ZNF286A: variants seen among roughly 807,000 people sequenced by gnomAD.
ZNF286A encodes zinc finger protein 286A, also known as zinc finger protein ZNF286.
A neutral mutation model predicts 49.3 loss-of-function variants in ZNF286A; 34 were observed. That is an observed-to-expected ratio of 0.69 (90% CI 0.52 to 0.92). The LOEUF (loss-of-function observed/expected upper bound fraction) is 0.92. Among genes scored for constraint, ZNF286A ranks in the 40% least tolerant of loss-of-function variants. The probability of loss-of-function intolerance (pLI) is 0.00; values close to 1 mark genes in which losing one functional copy is unlikely to be tolerated. For missense variants in ZNF286A, 462 were observed against 600.2 expected, an observed-to-expected ratio of 0.77 and a Z score of 2.41; for synonymous variants, 155 against 200.4, an observed-to-expected ratio of 0.77 and a Z score of 1.91.
chr17:15,699,770 G>A lies in ZNF286A; in HGVS notation c.-203G>A, dbSNP rs1483830215. 1 of 702,786 alleles carries A rather than the reference G, an allele frequency of 1.4e-6. No individual in the cohort carries two copies. The highest frequency in any genetic ancestry group is 1.7e-5 in the African/African-American group (1 of 57,268). The allele number at this position is 702,786 out of a possible 1,614,324, so 43.5% of individuals were successfully genotyped here. The stretch of plus-strand genomic sequence containing the variant: ...AGTTCGTCCCCTTTGTGAGGCCCGG[G>A]ATGGGAGGTGAGTTGCTTGTGGTGA... On this transcript the variant is annotated 5_prime_UTR_variant, in exon 1 of 6. Transcript: ENST00000583566.
At chr17:15,704,387 C>A in intron 3 of ZNF286A, 1 of 1,607,830 alleles carries the variant, frequency 6.2e-7, no homozygotes, top group South Asian at 1.1e-5. Flanking sequence ...GTGCCACTGG[C>A]CAGGGCCCGC....
At chr17:15,704,595 G>A in intron 3 of ZNF286A, 1 of 1,614,068 alleles carries the variant, frequency 6.2e-7, no homozygotes, top group Non-Finnish European at 8.5e-7. Flanking sequence ...CAGCCGTCCA[G>A]TCCCTCTTGA....
In ZNF286A at chr17:15,712,918, C is replaced by A. The variant is rs565041114; in HGVS notation, c.335-3141C>A. On this transcript the variant is annotated intron_variant, in intron 5 of 5. Coordinates refer to ENST00000583566, the MANE Select transcript of ZNF286A (RefSeq NM_001130842.2). Reference sequence around the variant, plus strand: ...ATCCCAACCTCATTTCACAGCTACTCTTCTTCCATCTCTGTGCTCTAGTGT... The same window carrying A: ...ATCCCAACCTCATTTCACAGCTACTATTCTTCCATCTCTGTGCTCTAGTGT... Among the ~76,000 whole-genome samples, 390 of 152,246 alleles carry A rather than the reference C, an allele frequency of 2.6e-3. 1 individual carries two copies. The highest frequency in any genetic ancestry group is 9.1e-3 in the African/African-American group (378 of 41,554).
At chr17:15,704,825 C>T in intron 3 of ZNF286A, 3 of 1,613,628 alleles carry the variant, frequency 1.9e-6, no homozygotes, top group Non-Finnish European at 2.5e-6. Context: ...TCGGGTGGGT[C>T]TGCGGTCAGT....
intron 5 of ZNF286A, among the ~76,000 whole-genome samples, chr17:15,712,572 G>A (rs570143647): frequency 2.6e-5 from 4 of 152,250 alleles, no homozygotes; most frequent in East Asian, 1.9e-4. Flanking sequence ...GGAAATCTAC[G>A]CACAGTCTTT....
chr17:15,714,586 T>C lies in ZNF286A; in HGVS notation c.335-1473T>C, dbSNP rs558514195. ...ATTCCTTGCAAGATGGATACTGTTA[T>C]TGCCCTCTCTTACACATAAGGAAAC... On this transcript the variant is annotated intron_variant, in intron 5 of 5. Transcript: ENST00000583566. Among the ~76,000 whole-genome samples, 8 of 152,292 alleles carry C rather than the reference T, an allele frequency of 5.3e-5. No individual in the cohort carries two copies. In the South Asian group the frequency reaches 1.0e-3, roughly 20 times the overall value.
Position 15,716,289 on chromosome 17 carries a change from C to A in ZNF286A, c.565C>A (p.His189Asn), listed in dbSNP as rs778489767. ...GAATTCACTCTCTGAGGAAACAGAC[C>A]ATAAGCATGATGTATACTGGAAAAG... Reference protein sequence around the residue: ...HMNSLSEETDHKHDVYWKSFN... With the variant: ...HMNSLSEETDNKHDVYWKSFN... The change falls in exon 6 of 6, where the codon CAT (histidine) becomes AAT (asparagine). Residue 189 changes from histidine to asparagine, a missense_variant. This residue lies in a region of ZNF286A where 259 missense variants were observed against 272.2 expected (regional missense o/e 0.95). Transcript: ENST00000583566. 1 of 1,613,854 alleles carries A rather than the reference C, an allele frequency of 6.2e-7. No individual in the cohort carries two copies. The highest frequency in any genetic ancestry group is 2.2e-5 in the East Asian group (1 of 44,870).
At chr17:15,711,020 T>C (rs1990605720) in intron 5 of ZNF286A, among the ~76,000 whole-genome samples, 1 of 152,064 alleles carries the variant, frequency 6.6e-6, no homozygotes, top group African/African-American at 2.4e-5. Flanking sequence ...CAAGCAATTC[T>C]CCTGCCTCAG....
At chr17:15,705,943 AT>A (rs939616826) in intron 3 of ZNF286A, among the ~76,000 whole-genome samples, 4 of 152,090 alleles carry the variant, frequency 2.6e-5, no homozygotes, top group Non-Finnish European at 5.9e-5. Flanking sequence ...TGACTTCTCC[AT>A]TTACAAGTTC....
Position 15,701,218 on chromosome 17 carries a change from T to C in ZNF286A, c.104T>C (p.Leu35Pro). The stretch of plus-strand genomic sequence containing the variant: ...ACAGAAGAGGGAGAAGTGGCTGCTC[T>C]GCGCCTCACGGCCAGATCCCAGGTG... ...KSTEEGEVAA[L>P]RLTARSQETV... The change falls in exon 3 of 6, where the codon CTG becomes CCG. Residue 35 changes from leucine to proline, a missense_variant. Around this residue, in one of 3 missense-constraint regions of ZNF286A, gnomAD observed 259 missense variants for 272.2 expected, o/e 0.95. Coordinates refer to ENST00000583566, the MANE Select transcript of ZNF286A (RefSeq NM_001130842.2). The C allele has an allele frequency of 6.2e-7, 1 of 1,614,162 alleles. No individual in the cohort carries two copies. The highest frequency in any genetic ancestry group is 8.5e-7 in the Non-Finnish European group (1 of 1,180,040).
At chr17:15,706,768 A>C (rs1254055440) in intron 4 of ZNF286A, among the ~76,000 whole-genome samples, 4 of 152,186 alleles carry the variant, frequency 2.6e-5, no homozygotes, top group Non-Finnish European at 5.9e-5. Context: ...AGAGATCCAA[A>C]TATATTATCA....
At chr17:15,708,033 G>A (rs1597717876) in intron 4 of ZNF286A, 122 bp from the exon 5 acceptor site, 6 of 444,298 alleles carry the variant, frequency 1.4e-5, no homozygotes, top group Non-Finnish European at 2.0e-5. Flanking sequence ...TAAAAAAAAA[G>A]AAAGAAAGTT....
In ZNF286A at chr17:15,716,488, A is replaced by C; in HGVS notation, c.764A>C (p.His255Pro). 3 of 1,614,122 alleles carry C rather than the reference A, an allele frequency of 1.9e-6. No individual in the cohort carries two copies. Among genetic ancestry groups the C allele is most frequent in the Non-Finnish European group, 2.5e-6 (3 of 1,180,004 alleles). The change falls in exon 6 of 6, where the codon CAT becomes CCT. Residue 255 changes from histidine to proline, a missense_variant. This residue lies in a region of ZNF286A where 259 missense variants were observed against 272.2 expected (regional missense o/e 0.95). Transcript: ENST00000583566. ...CNDCGELFTY[H>P]SVLIRHQRVH... is the part of the protein sequence containing the mutation. ...GATTGTGGTGAACTCTTCACCTACC[A>C]TTCAGTGCTTATTCGACACCAGAGA...
intron 1 of ZNF286A, 170 bp downstream of exon 1, chr17:15,699,947 C>T (rs1253898963): frequency 8.0e-6 from 5 of 626,448 alleles, no homozygotes; most frequent in Non-Finnish European, 2.9e-6. Flanking sequence ...TCGGGGGACG[C>T]GGTTGTGCCA....
At chr17:15,706,531 C>T (rs1434400862) in intron 4 of ZNF286A, 30 bp downstream of exon 4, 1 of 1,476,512 alleles carries the variant, frequency 6.8e-7, no homozygotes, top group Non-Finnish European at 9.2e-7. Context: ...CTGGAATCTG[C>T]TTATAGGAGC....
chr17:15,705,997 A>AT lies in ZNF286A; in HGVS notation c.127-384dup, dbSNP rs550243431. The stretch of plus-strand genomic sequence containing the variant: ...TGTGATTGGCTAGATTGACTCTTCA[A>AT]TTTTTTATTGAGGACTCAGAGAAGC... On this transcript the variant is annotated intron_variant, in intron 3 of 5. Coordinates refer to ENST00000583566, the MANE Select transcript of ZNF286A (RefSeq NM_001130842.2). 1.1e-4 allele frequency among the ~76,000 whole-genome samples: 17 copies of AT among 152,190 alleles called. No individual in the cohort carries two copies. In the East Asian group the frequency reaches 2.7e-3, roughly 24 times the overall value.
intron 5 of ZNF286A, among the ~76,000 whole-genome samples, chr17:15,710,935 G>A (rs1168788273): frequency 4.1e-5 from 6 of 145,200 alleles, no homozygotes; most frequent in South Asian, 2.2e-4. Flanking sequence ...TTTTTTTGAC[G>A]GAGTCTTGCT....
chr17:15,706,463 ATGT>A lies in ZNF286A; in HGVS notation c.204_206del (p.Asp68_Val69delinsGlu), dbSNP rs768852871. 6.2e-7 allele frequency: 1 copy of A among 1,613,236 alleles called. No individual in the cohort carries two copies. The highest frequency in any genetic ancestry group is 1.1e-5 in the South Asian group (1 of 90,958). ...GGGAAGCTGGATCCTGCACAAAGGGATGTGATGCTGGAGAACTATAGGAACCTA... is the reference window on the plus strand; with the variant it reads ...GGGAAGCTGGATCCTGCACAAAGGGAGATGCTGGAGAACTATAGGAACCTA... On this transcript the variant is annotated inframe_deletion, in exon 4 of 6. Coordinates refer to ENST00000583566, the MANE Select transcript of ZNF286A (RefSeq NM_001130842.2).
In ZNF286A at chr17:15,719,024, G is replaced by A. The variant is rs1401811647; in HGVS notation, c.*1734G>A. The A allele has an allele frequency of 8.3e-6, 1 of 120,344 alleles. No individual in the cohort carries two copies. Among genetic ancestry groups the A allele is most frequent in the African/African-American group, 3.5e-5 (1 of 28,516 alleles). The allele number at this position is 120,344 out of a possible 1,614,324, so 7.5% of individuals were successfully genotyped here. A position where few individuals can be genotyped will look rare whatever the true frequency, so the allele number is the denominator to read the frequency against. On this transcript the variant is annotated 3_prime_UTR_variant, in exon 6 of 6. Transcript: ENST00000583566. ...AGGGGGACAGTGCTAAATCATTCAT[G>A]AGAAACTACCTGCGTGGTCCAGTCA...
Sources: gnomAD v4.1 joint callset for allele counts (sites outside exome capture counted in the v4.1 genomes callset) on GRCh38, gnomAD v4.1.1 for gene constraint, gnomAD v4.1.1 regional missense constraint, MANE v1.5 for transcripts, NCBI Gene and HGNC (gene_info 2026-07-23, HGNC 2026-07-21) for gene names.